CYP27B1: variants seen among roughly 807,000 people sequenced by gnomAD.
CYP27B1 encodes cytochrome P450 family 27 subfamily B member 1.
In CYP27B1, 46 loss-of-function variants were observed where a neutral mutation model predicts 54.8. That is an observed-to-expected ratio of 0.84 (90% CI 0.66 to 1.07). CYP27B1 has a LOEUF of 1.07. Ranked by LOEUF, CYP27B1 falls within the 50% of genes least tolerant of loss-of-function variation. The pLI is 0.00. For synonymous variants in CYP27B1, 292 were observed against 297.3 expected, an observed-to-expected ratio of 0.98 and a Z score of 0.18; for missense variants, 674 against 692.2, an observed-to-expected ratio of 0.97 and a Z score of 0.30.
chr12:57,767,043 G>A lies in CYP27B1; in HGVS notation c.-2C>T. 1 of 1,614,174 alleles carries A rather than the reference G, an allele frequency of 6.2e-7. No individual in the cohort carries two copies. Among genetic ancestry groups the A allele is most frequent in the Non-Finnish European group, 8.5e-7 (1 of 1,180,010 alleles). ...GGCGTACTTGAGGGTCTGGGTCATGGTCTGGTTCAGGGTGCTCGCGAAAGA... is the reference window on the plus strand; with the variant it reads ...GGCGTACTTGAGGGTCTGGGTCATGATCTGGTTCAGGGTGCTCGCGAAAGA... On this transcript the variant is annotated 5_prime_UTR_variant, in exon 1 of 9. Transcript: ENST00000228606.
rs767869773 is a variant in CYP27B1 at position 57,765,397 on chromosome 12, G to A, written c.489C>T (p.Cys163=). ...RYAGTLNNVV[C]DLVRRLRRQR... is the part of the protein sequence containing the mutation. ...GGCGCCTCAGACGCCGCACAAGGTC[G>A]CAGACTACGTTGTTCAGGGTTCCGG... The change falls in exon 3 of 9, where the codon TGC becomes TGT. Residue 163 remains cysteine, a synonymous_variant. Transcript: ENST00000228606. This position sits in a 1 kb window ranked among gnomAD's most constrained non-coding sequence, Gnocchi z 5.8. The A allele has an allele frequency of 6.2e-7, 1 of 1,613,254 alleles. No homozygotes were observed. The highest frequency in any genetic ancestry group is 1.7e-4 in the Middle Eastern group (1 of 6,060).
intron 1 of CYP27B1, 60 bp downstream of exon 1, chr12:57,766,787 C>CAGAAA: frequency 1.3e-6 from 2 of 1,572,594 alleles, no homozygotes; most frequent in Middle Eastern, 3.4e-4. Context: ...TCAGTCCTTT[C>CAGAAA]TGACGCTGTC....
rs1429403278 is a variant in CYP27B1, at chr12:57,767,019, G to A, written c.23C>T (p.Ala8Val). 1 of 1,614,220 alleles carries A rather than the reference G, an allele frequency of 6.2e-7. No individual in the cohort carries two copies. The highest frequency in any genetic ancestry group is 8.5e-7 in the Non-Finnish European group (1 of 1,180,044). Residue 8 changes from alanine (A) to valine (V), a missense_variant, in exon 1 of 9, where the codon GCC (alanine) becomes GTC (valine). Ala to Val is a moderately conservative substitution (Grantham distance 64). Transcript: ENST00000228606. MTQTLKY[A>V]SRVFHRVRWA... ...GCGGACGCGATGGAACACTCTGGAG[G>A]CGTACTTGAGGGTCTGGGTCATGGT...
intron 8 of CYP27B1, 108 bp downstream of exon 8, chr12:57,763,502 TC>T: frequency 9.6e-7 from 1 of 1,045,038 alleles, no homozygotes; most frequent in Non-Finnish European, 1.5e-6. Flanking sequence ...GAAGATTCAT[TC>T]TACCAGGTCT....
Position 57,765,537 on chromosome 12 carries a change from G to C in CYP27B1, c.387-38C>G. The C allele has an allele frequency of 6.3e-7, 1 of 1,576,486 alleles. No individual in the cohort carries two copies. Among genetic ancestry groups the C allele is most frequent in the South Asian group, 1.2e-5 (1 of 86,544 alleles). On this transcript the variant is annotated intron_variant, in intron 2 of 8. Coordinates refer to ENST00000228606, the MANE Select transcript of CYP27B1 (RefSeq NM_000785.4). This position sits in a 1 kb window ranked among gnomAD's most constrained non-coding sequence, Gnocchi z 5.8. ...GGAGAGAGTGCGCATCGGGAAGGTG[G>C]GGACGGCTCGACGGGACTGGCTGCA...
In CYP27B1 at chr12:57,766,176, C is replaced by T. The variant is rs1264493784; in HGVS notation, c.217G>A (p.Gly73Arg). 9.7e-6 allele frequency: 15 copies of T among 1,543,386 alleles called. No individual in the cohort carries two copies. The highest frequency in any genetic ancestry group is 1.2e-5 in the South Asian group (1 of 84,068). ...ELQVQGAAHF[G>R]PVWLASFGTV... is the part of the protein sequence containing the mutation. ...CCAAAGCTGGCTAGCCACACCGGCC[C>T]GAAGTGCGCGGCGCCCTGCACCTGG... Residue 73 changes from glycine (G) to arginine (R), a missense_variant, in exon 2 of 9, where the codon GGG (glycine) becomes AGG (arginine). Transcript: ENST00000228606.
At position 57,765,365 on chromosome 12, in the gene CYP27B1, C is replaced by T; in HGVS notation, c.521G>A (p.Gly174Glu). 4 of 1,613,398 alleles carry T rather than the reference C, an allele frequency of 2.5e-6. No individual in the cohort carries two copies. Among genetic ancestry groups the T allele is most frequent in the Non-Finnish European group, 3.4e-6 (4 of 1,179,758 alleles). The part of the protein sequence containing the change: ...DLVRRLRRQR[G>E]RGTGPPALVR... Reference sequence around the variant, plus strand: ...CAGGGCGGGCGGCCCCGTGCCACGTCCCCGCTGGCGCCTCAGACGCCGCAC... The same window carrying T: ...CAGGGCGGGCGGCCCCGTGCCACGTTCCCGCTGGCGCCTCAGACGCCGCAC... Residue 174 changes from glycine to glutamate, a missense_variant, in exon 3 of 9, where the codon GGA becomes GAA. Transcript: ENST00000228606. This position sits in a 1 kb window ranked among gnomAD's most constrained non-coding sequence, Gnocchi z 5.8.
At position 57,765,308 on chromosome 12, in the gene CYP27B1, A is replaced by T. The variant is rs1182037529; in HGVS notation, c.578T>A (p.Phe193Tyr). The part of the protein sequence containing the change: ...VRDVAGEFYK[F>Y]GLEGIAAVLL... ...GTCCTGGGACTCACCTTCCAGTCCG[A>T]ACTTGTAAAATTCCCCCGCCACGTC... Residue 193 changes from phenylalanine (F) to tyrosine (Y), a missense_variant, in exon 3 of 9, where the codon TTC (phenylalanine) becomes TAC (tyrosine). Physicochemically the swap from Phe to Tyr is conservative, Grantham distance 22. Coordinates refer to ENST00000228606, the MANE Select transcript of CYP27B1 (RefSeq NM_000785.4). The surrounding 1 kb of genome is among the most constrained non-coding windows in gnomAD (Gnocchi z 5.8). The T allele has an allele frequency of 6.2e-7, 1 of 1,613,014 alleles. No homozygotes were observed. The highest frequency in any genetic ancestry group is 1.3e-5 in the African/African-American group (1 of 75,038).
chr12:57,765,955 A>G lies in CYP27B1; in HGVS notation c.386+52T>C. On this transcript the variant is annotated intron_variant, in intron 2 of 8. Transcript: ENST00000228606. This position sits in a 1 kb window ranked among gnomAD's most constrained non-coding sequence, Gnocchi z 5.8. ...GATTGATAGTTTCGGGACCCGCAGC[A>G]GGAGAGGGCCGCTGCAGGGCGTCTG... The G allele has an allele frequency of 2.7e-6, 4 of 1,491,540 alleles. No individual in the cohort carries two copies. Among genetic ancestry groups the G allele is most frequent in the East Asian group, 2.5e-5 (1 of 40,296 alleles). 92.4% of individuals were successfully genotyped at this position (1,491,540 alleles called of 1,614,324 possible). A position where few individuals can be genotyped will look rare whatever the true frequency, so the allele number is the denominator to read the frequency against.
At position 57,764,169 on chromosome 12, in the gene CYP27B1, G is replaced by A. The variant is rs28934607; in HGVS notation, c.1144C>T (p.Pro382Ser). The A allele has an allele frequency of 6.2e-7, 1 of 1,613,512 alleles. No individual in the cohort carries two copies. The highest frequency in any genetic ancestry group is 2.2e-5 in the East Asian group (1 of 44,888). Residue 382 changes from proline (P) to serine (S), a missense_variant, in exon 7 of 9, where the codon CCT becomes TCT. Physicochemically the swap from Pro to Ser is moderately conservative, Grantham distance 74. Coordinates refer to ENST00000228606, the MANE Select transcript of CYP27B1 (RefSeq NM_000785.4). The stretch of plus-strand genomic sequence containing the variant: ...ACACGAGAATTTCCAGGTACCACAG[G>A]GTACAGTCTAGGTTGCAAAGCACAA... ...AVVKEVLRLY[P>S]VVPGNSRVPD...
At chr12:57,764,286 T>C in intron 6 of CYP27B1, 92 bp downstream of exon 6, 1 of 1,582,438 alleles carries the variant, frequency 6.3e-7, no homozygotes, top group Non-Finnish European at 8.7e-7. Flanking sequence ...AGAGGGCCAT[T>C]TTTCTCTGCT....
intron 7 of CYP27B1, 109 bp downstream of exon 7, chr12:57,763,989 G>T (rs1048050999): frequency 9.1e-6 from 10 of 1,098,266 alleles, no homozygotes; most frequent in Non-Finnish European, 1.4e-5. Context: ...TCCTAGAGAG[G>T]GGTCAAGGGG....
At chr12:57,763,989 G>A (rs1048050999) in intron 7 of CYP27B1, 109 bp downstream of exon 7, 24 of 1,098,148 alleles carry the variant, frequency 2.2e-5, no homozygotes, top group African/African-American at 3.1e-5. Context: ...TCCTAGAGAG[G>A]GGTCAAGGGG....
chr12:57,766,160 G>T lies in CYP27B1; in HGVS notation c.233C>A (p.Ala78Asp). The change falls in exon 2 of 9, where the codon GCC (alanine) becomes GAC (aspartate). Residue 78 changes from alanine to aspartate, a missense_variant. Physicochemically the swap from Ala to Asp is moderately radical, Grantham distance 126. Transcript: ENST00000228606. The part of the protein sequence containing the change: ...GAAHFGPVWL[A>D]SFGTVRTVYV... ...CACGGTGCGCACTGTCCCAAAGCTG[G>T]CTAGCCACACCGGCCCGAAGTGCGC... The T allele has an allele frequency of 6.5e-7, 1 of 1,546,628 alleles. No homozygotes were observed.
rs199923824 is a variant in CYP27B1 at position 57,763,644 on chromosome 12, C to T, written c.1380G>A (p.Leu460=). The T allele has an allele frequency of 6.2e-7, 1 of 1,613,986 alleles. No homozygotes were observed. Among genetic ancestry groups the T allele is most frequent in the Admixed American group, 1.7e-5 (1 of 60,014 alleles). ...AAGCCATTTGCAATTCAAGCTCTGC[C>T]AGGCGTCTCCCCATACAGCTGCGCT... ...FGKRSCMGRR[L]AELELQMALA... is the part of the protein sequence containing the mutation. The change falls in exon 8 of 9, where the codon CTG becomes CTA. Residue 460 remains leucine (L), a synonymous_variant. Coordinates refer to ENST00000228606, the MANE Select transcript of CYP27B1 (RefSeq NM_000785.4).
At position 57,765,577 on chromosome 12, in the gene CYP27B1, T is replaced by TCGGCTG; in HGVS notation, c.387-84_387-79dup. The TCGGCTG allele has an allele frequency of 6.9e-7, 1 of 1,443,544 alleles. No homozygotes were observed. The allele number at this position is 1,443,544 out of a possible 1,614,324, so 89.4% of individuals were successfully genotyped here. A position where few individuals can be genotyped will look rare whatever the true frequency, so the allele number is the denominator to read the frequency against. ...GACTGGCTGCAGTGAAGGAGCGCGTTCGGCTGCGGTGGCCAGGAGAGGGAT... is the reference window on the plus strand; with the variant it reads ...GACTGGCTGCAGTGAAGGAGCGCGTTCGGCTGCGGCTGCGGTGGCCAGGAGAGGGAT... On this transcript the variant is annotated intron_variant, in intron 2 of 8. Coordinates refer to ENST00000228606, the MANE Select transcript of CYP27B1 (RefSeq NM_000785.4). This position sits in a 1 kb window ranked among gnomAD's most constrained non-coding sequence, Gnocchi z 5.8.
rs1955362105 is a variant in CYP27B1, at chr12:57,766,515, T to A, written c.196-318A>T. ...CATCTCAGGACGAGTCCTCAGTGAA[T>A]GAAAAGGAACCCATGTAGCTTTAAG... On this transcript the variant is annotated intron_variant, in intron 1 of 8. Coordinates refer to ENST00000228606, the MANE Select transcript of CYP27B1 (RefSeq NM_000785.4). 7 of 565,440 alleles carry A rather than the reference T, an allele frequency of 1.2e-5. No individual in the cohort carries two copies. The South Asian group carries it at 1.6e-4, about 13-fold the overall frequency. The allele number at this position is 565,440 out of a possible 1,614,324, so 35.0% of individuals were successfully genotyped here.
At position 57,766,815 on chromosome 12, in the gene CYP27B1, C is replaced by A. The variant is rs373919730; in HGVS notation, c.195+32G>T. The A allele has an allele frequency of 8.1e-6, 13 of 1,609,464 alleles. No individual in the cohort carries two copies. In the Admixed American group the frequency reaches 1.0e-4, roughly 12 times the overall value. ...ACGCTGTCAAAACCAGTTTCCCCAG[C>A]ACTCTGTCTCGGGAAAGGCGTCCCT... On this transcript the variant is annotated intron_variant, in intron 1 of 8. Transcript: ENST00000228606.
In CYP27B1 at chr12:57,765,222, G is replaced by C; in HGVS notation, c.590-11C>G. The stretch of plus-strand genomic sequence containing the variant: ...GAACCGCGGCGATGCCTTGTCGGGA[G>C]GGGGCGCCGTCAGGGTTCCGGGAGG... On this transcript the variant is annotated splice_polypyrimidine_tract_variant and intron_variant, in intron 3 of 8. Transcript: ENST00000228606. The surrounding 1 kb of genome is among the most constrained non-coding windows in gnomAD (Gnocchi z 5.8). The C allele has an allele frequency of 6.2e-7, 1 of 1,611,670 alleles. No individual in the cohort carries two copies. The highest frequency in any genetic ancestry group is 1.1e-5 in the South Asian group (1 of 90,912).
Sources: gnomAD v4.1 joint callset for allele counts on GRCh38, gnomAD v4.1.1 for gene constraint, Gnocchi (gnomAD v3.1) non-coding constraint, MANE v1.5 for transcripts, NCBI Gene and HGNC (gene_info 2026-07-23, HGNC 2026-07-21) for gene names.